LRRC4C: variants seen among roughly 807,000 people sequenced by gnomAD.
LRRC4C encodes the protein leucine rich repeat containing 4C, also known as leucine-rich repeat-containing protein 4C.
In LRRC4C, 5 loss-of-function variants were observed where a neutral mutation model predicts 33.6. The observed-to-expected ratio is 0.15, with a 90% CI of 0.08 to 0.31. The LOEUF (loss-of-function observed/expected upper bound fraction) is 0.31, where lower values mean the gene tolerates loss of function less well. Ranked by LOEUF, LRRC4C falls within the 10% of genes least tolerant of loss-of-function variation. LRRC4C has a pLI of 1.00. For missense variants in LRRC4C, 560 were observed against 796.7 expected (o/e 0.70, Z 3.58); for synonymous variants, 329 against 302.0 (o/e 1.09, Z -0.93).
intron 1 of LRRC4C, among the ~76,000 whole-genome samples, chr11:41,361,769 G>T (rs1952363384): frequency 6.6e-6 from 1 of 152,098 alleles, no homozygotes; most frequent in South Asian, 2.1e-4. Flanking sequence ...AAATGGTATT[G>T]CTGTAGTGAC....
At chr11:40,665,350 A>ATATATATATT (rs1943735187) in intron 2 of LRRC4C, among the ~76,000 whole-genome samples, 2 of 19,760 alleles carry the variant, frequency 1.0e-4, no homozygotes, top group African/African-American at 1.6e-4. Flanking sequence ...ATATATATAT[A>ATATATATATT]TATATATATA....
At chr11:40,644,441 A>G (rs1350857962) in intron 3 of LRRC4C, among the ~76,000 whole-genome samples, 1 of 152,202 alleles carries the variant, frequency 6.6e-6, no homozygotes, top group East Asian at 1.9e-4. Context: ...CTCAAAATAA[A>G]AACTTATATT....
chr11:40,766,300 A>G (rs1248244097), intron 2 of LRRC4C, among the ~76,000 whole-genome samples: 2 of 142,526 alleles, frequency 1.4e-5, no homozygotes, highest in Non-Finnish European at 3.1e-5. Context: ...TAGGGATTTC[A>G]TTAATACCAG....
At chr11:40,994,346 G>A (rs536246998) in intron 1 of LRRC4C, among the ~76,000 whole-genome samples, 1 of 152,140 alleles carries the variant, frequency 6.6e-6, no homozygotes, top group African/African-American at 2.4e-5. Context: ...ACATTCCCCT[G>A]ACGGAGAGTT....
intron 1 of LRRC4C, among the ~76,000 whole-genome samples, chr11:41,322,592 C>T (rs1039844616): frequency 6.6e-6 from 1 of 152,092 alleles, no homozygotes; most frequent in Non-Finnish European, 1.5e-5. Flanking sequence ...GTGTCCAATG[C>T]AACCCGAAAT....
At chr11:40,410,050 C>T (rs1950100413) in intron 3 of LRRC4C, among the ~76,000 whole-genome samples, 1 of 151,862 alleles carries the variant, frequency 6.6e-6, no homozygotes, top group Admixed American at 6.6e-5. Flanking sequence ...GGAACACAGC[C>T]ACTTGCACTT....
chr11:41,202,598 G>A (rs1946442518), intron 1 of LRRC4C, among the ~76,000 whole-genome samples: 1 of 151,940 alleles, frequency 6.6e-6, no homozygotes, highest in South Asian at 2.1e-4. Context: ...TCAGTGATTT[G>A]CTAAATATCC....
At chr11:41,254,343 C>T (rs1948734364) in intron 1 of LRRC4C, among the ~76,000 whole-genome samples, 1 of 151,964 alleles carries the variant, frequency 6.6e-6, no homozygotes, top group South Asian at 2.1e-4. Context: ...TCAATCAGTA[C>T]TGAGTTTGAC....
At chr11:40,772,096 G>C (rs868248024) in intron 2 of LRRC4C, among the ~76,000 whole-genome samples, 1 of 152,176 alleles carries the variant, frequency 6.6e-6, no homozygotes, top group African/African-American at 2.4e-5. Context: ...ATAAAGAACT[G>C]CCCAAGACCG....
chr11:40,584,024 TC>T, intron 3 of LRRC4C, among the ~76,000 whole-genome samples: 1 of 151,158 alleles, frequency 6.6e-6, no homozygotes, highest in South Asian at 2.1e-4. Context: ...TGCAAAGAGA[TC>T]AGGGACGGAA....
Position 41,357,517 on chromosome 11 carries a change from A to G in LRRC4C, c.-496+101914T>C, listed in dbSNP as rs549645984. Among the ~76,000 whole-genome samples the G allele has an allele frequency of 8.5e-5, 13 of 152,194 alleles. No homozygotes were observed. In the South Asian group the frequency reaches 2.7e-3, roughly 32 times the overall value. On this transcript the variant is annotated intron_variant, in intron 1 of 6. Transcript: ENST00000528697. Reference sequence around the variant, plus strand: ...CTGATGTAGGCTCACAGAAGAATTAAGTCTCATAAAAGACTTGATTCTGGG... The same window carrying G: ...CTGATGTAGGCTCACAGAAGAATTAGGTCTCATAAAAGACTTGATTCTGGG...
intron 1 of LRRC4C, among the ~76,000 whole-genome samples, chr11:41,322,918 A>G (rs1374764950): frequency 6.6e-6 from 1 of 152,194 alleles, no homozygotes; most frequent in Non-Finnish European, 1.5e-5. Context: ...ACACATGCAC[A>G]CACACACATT....
chr11:40,209,988 T>C (rs76487868), intron 5 of LRRC4C, among the ~76,000 whole-genome samples: 10,412 of 152,130 alleles, frequency 0.068, 1,187 homozygotes, highest in African/African-American at 0.23. Context: ...CACACTTGGA[T>C]AGTACAGGAT....
intron 1 of LRRC4C, among the ~76,000 whole-genome samples, chr11:41,375,369 A>T (rs1952900338): frequency 6.6e-6 from 1 of 152,128 alleles, no homozygotes; most frequent in Non-Finnish European, 1.5e-5. Context: ...AGTGGAGGAG[A>T]TGTACATTTG....
intron 1 of LRRC4C, among the ~76,000 whole-genome samples, chr11:41,448,122 G>GTTTTTT (rs71063918): frequency 0.011 from 505 of 46,878 alleles, 48 homozygotes; most frequent in African/African-American, 0.035. Context: ...GCACACGTCT[G>GTTTTTT]TTTTTTTTTT....
chr11:40,662,574 A>G (rs535698671), intron 2 of LRRC4C, among the ~76,000 whole-genome samples: 1 of 152,186 alleles, frequency 6.6e-6, no homozygotes, highest in Non-Finnish European at 1.5e-5. Flanking sequence ...GTCCGTGTTC[A>G]CGAAAAGAAA....
intron 3 of LRRC4C, among the ~76,000 whole-genome samples, chr11:40,442,486 A>G (rs1049774832): frequency 1.3e-5 from 2 of 152,198 alleles, no homozygotes; most frequent in African/African-American, 4.8e-5. Flanking sequence ...TTGAAATGTG[A>G]TAAGATAAAT....
chr11:41,177,117 T>C (rs1055514407), intron 1 of LRRC4C, among the ~76,000 whole-genome samples: 3 of 151,704 alleles, frequency 2.0e-5, no homozygotes, highest in African/African-American at 4.8e-5. Context: ...GAGGAAGAGG[T>C]TTTAGCCAAA....
chr11:40,409,636 C>G (rs1250415139), intron 3 of LRRC4C, among the ~76,000 whole-genome samples: 2 of 151,980 alleles, frequency 1.3e-5, no homozygotes, highest in African/African-American at 4.8e-5. Context: ...TAAAAATGCT[C>G]AACATCATTA....
Sources: allele counts gnomAD v4.1 joint callset (sites outside exome capture counted in the v4.1 genomes callset), GRCh38; gene constraint gnomAD v4.1.1; transcripts MANE v1.5; gene names NCBI Gene and HGNC (gene_info 2026-07-23, HGNC 2026-07-21).